Variants in CSTPP1 observed in about 807,000 individuals in gnomAD.
CSTPP1 encodes centriolar satellite-associated tubulin polyglutamylase complex regulator 1.
the CSTPP1 span, chr11:46,948,129 A>G: frequency 4.4e-6 from 2 of 456,172 alleles, no homozygotes; most frequent in African/African-American, 2.0e-5. Flanking sequence ...GGTCGGCTCC[A>G]TGGTTCTCAT....
At chr11:47,039,813 TG>T in the CSTPP1 span, among the ~76,000 whole-genome samples, 4 of 128,500 alleles carry the variant, frequency 3.1e-5, 2 homozygotes, top group Non-Finnish European at 7.4e-5. Context: ...CAGTCCGTCC[TG>T]GGCGAAAGAG....
chr11:47,024,340 AC>A, the CSTPP1 span, among the ~76,000 whole-genome samples: 1 of 151,650 alleles, frequency 6.6e-6, no homozygotes, highest in Non-Finnish European at 1.5e-5. Flanking sequence ...TGCTGGGATT[AC>A]AAGTGTGAGC....
chr11:47,108,860 C>G, the CSTPP1 span, among the ~76,000 whole-genome samples: 1 of 152,052 alleles, frequency 6.6e-6, no homozygotes, highest in Non-Finnish European at 1.5e-5. Context: ...GCGCCGGCCA[C>G]CATGCCTGAC....
At chr11:47,043,015 T>C in the CSTPP1 span, among the ~76,000 whole-genome samples, 1 of 152,144 alleles carries the variant, frequency 6.6e-6, no homozygotes, top group Non-Finnish European at 1.5e-5. Context: ...TAATATAAAT[T>C]CATCTGACTA....
At chr11:47,039,854 CAA>C in the CSTPP1 span, among the ~76,000 whole-genome samples, 6 of 128,178 alleles carry the variant, frequency 4.7e-5, 3 homozygotes, top group Non-Finnish European at 1.1e-4. Context: ...AACAAACAAA[CAA>C]GAGGTCCAGA....
the CSTPP1 span, among the ~76,000 whole-genome samples, chr11:47,090,467 G>GA: frequency 3.4e-3 from 508 of 148,386 alleles, 2 homozygotes; most frequent in African/African-American, 0.011. Flanking sequence ...TCTTAAGATG[G>GA]AAAAAAAAAC....
chr11:47,062,884 A>G, the CSTPP1 span, among the ~76,000 whole-genome samples: 1 of 152,324 alleles, frequency 6.6e-6, no homozygotes, highest in South Asian at 2.1e-4. Context: ...CACCATGCCC[A>G]CATTCCTGCA....
chr11:47,046,626 C>T, the CSTPP1 span, among the ~76,000 whole-genome samples: 916 of 149,862 alleles, frequency 6.1e-3, 13 homozygotes, highest in African/African-American at 0.021. Flanking sequence ...ACTGATTCAA[C>T]ACAATTTTCT....
At chr11:47,089,578 A>T in the CSTPP1 span, among the ~76,000 whole-genome samples, 1 of 152,338 alleles carries the variant, frequency 6.6e-6, no homozygotes, top group South Asian at 2.1e-4. Context: ...TCTCCTTAGT[A>T]TCTCACCAAA....
the CSTPP1 span, among the ~76,000 whole-genome samples, chr11:46,966,498 G>GT: frequency 7.9e-5 from 12 of 152,036 alleles, no homozygotes; most frequent in Non-Finnish European, 1.6e-4. Flanking sequence ...ACTATCACTT[G>GT]TTTTCCTTGA....
the CSTPP1 span, among the ~76,000 whole-genome samples, chr11:47,063,970 C>T: frequency 6.6e-6 from 1 of 152,196 alleles, no homozygotes. Flanking sequence ...AGTTTCTCCA[C>T]ATCCCCAATA....
chr11:47,075,152 A>T, the CSTPP1 span, among the ~76,000 whole-genome samples: 1 of 152,140 alleles, frequency 6.6e-6, no homozygotes, highest in East Asian at 1.9e-4. Flanking sequence ...CAGGAAGATC[A>T]CTTGAGGTCA....
At chr11:46,996,310 A>ATT in the CSTPP1 span, among the ~76,000 whole-genome samples, 45 of 147,340 alleles carry the variant, frequency 3.1e-4, no homozygotes, top group South Asian at 6.4e-4. Flanking sequence ...ATTTTATTTT[A>ATT]TTTTTTTTTT....
the CSTPP1 span, among the ~76,000 whole-genome samples, chr11:47,115,365 C>T: frequency 6.6e-6 from 1 of 152,222 alleles, no homozygotes; most frequent in African/African-American, 2.4e-5. Context: ...AGGGAGGATT[C>T]CCTCTTTTTC....
chr11:47,128,003 A>C, the CSTPP1 span, among the ~76,000 whole-genome samples: 1 of 152,058 alleles, frequency 6.6e-6, no homozygotes, highest in Admixed American at 6.6e-5. Flanking sequence ...CAGCCTCCTA[A>C]GTAGCTGGGA....
chr11:47,159,795 A>G, the CSTPP1 span: 3 of 441,278 alleles, frequency 6.8e-6, no homozygotes, highest in South Asian at 4.8e-5. Context: ...ACCTGAGGTC[A>G]GGAGTTCGAG....
At chr11:47,046,722 A>G in the CSTPP1 span, among the ~76,000 whole-genome samples, 1 of 118,108 alleles carries the variant, frequency 8.5e-6, no homozygotes, top group South Asian at 2.8e-4. Flanking sequence ...GCTGGAGTGC[A>G]GTGGCGTGAT....
the CSTPP1 span, among the ~76,000 whole-genome samples, chr11:47,132,164 C>G: frequency 6.6e-6 from 1 of 152,190 alleles, no homozygotes; most frequent in Non-Finnish European, 1.5e-5. Context: ...TTTACAACTC[C>G]TGGTTTCTCC....
chr11:46,977,720 G>T, the CSTPP1 span, among the ~76,000 whole-genome samples: 1 of 152,182 alleles, frequency 6.6e-6, no homozygotes, highest in Non-Finnish European at 1.5e-5. Context: ...GGAGTAAAAA[G>T]AATTTGGACT....
Sources: allele counts gnomAD v4.1 joint callset (sites outside exome capture counted in the v4.1 genomes callset), GRCh38; gene constraint gnomAD v4.1.1; transcripts MANE v1.5; gene names NCBI Gene and HGNC (gene_info 2026-07-23, HGNC 2026-07-21).